RALY: variants seen among roughly 807,000 people sequenced by gnomAD.
RALY encodes the protein RNA-binding protein Raly.
A neutral mutation model predicts 30.7 loss-of-function variants in RALY; 15 were observed. The ratio of observed to expected loss-of-function variants is 0.49; its 90% CI spans 0.33 to 0.75. The LOEUF is 0.75. Among genes scored for constraint, RALY ranks in the 30% least tolerant of loss-of-function variants. The pLI is 0.02. For missense variants in RALY, 339 were observed against 414.3 expected (o/e 0.82, Z 1.58); for synonymous variants, 177 against 170.8 (o/e 1.04, Z -0.28).
chr20:34,068,513 C>T (rs1322121463), intron 2 of RALY, among the ~76,000 whole-genome samples: 2 of 152,186 alleles, frequency 1.3e-5, no homozygotes, highest in African/African-American at 4.8e-5. Context: ...ACCACTCCCT[C>T]CCTAACATTG....
intron 1 of RALY, among the ~76,000 whole-genome samples, chr20:34,007,449 A>G (rs2031208029): frequency 6.6e-6 from 1 of 150,480 alleles, no homozygotes; most frequent in Admixed American, 6.6e-5. Context: ...TGAACCTGGG[A>G]GGCAGAGGTT....
At position 34,002,480 on chromosome 20, in the gene RALY, A is replaced by T. The variant is rs568348414; in HGVS notation, c.-93+8349A>T. Among the ~76,000 whole-genome samples the T allele has an allele frequency of 2.0e-5, 3 of 152,370 alleles. No homozygotes were observed. In the South Asian group the frequency reaches 6.2e-4, roughly 32 times the overall value. On this transcript the variant is annotated intron_variant, in intron 1 of 9. Transcript: ENST00000246194. ...ACTTTCAGTCTTGAGAGGAAGACAG[A>T]TAAGTAAAGCAAATCCAGCCTGCCG...
At chr20:34,071,994 C>G in intron 2 of RALY, 72 bp from the exon 3 acceptor site, 1 of 1,515,506 alleles carries the variant, frequency 6.6e-7, no homozygotes. Context: ...TTCATTTATC[C>G]AGGATATGGG....
intron 2 of RALY, among the ~76,000 whole-genome samples, chr20:34,057,347 T>A (rs1333366144): frequency 6.6e-6 from 1 of 152,172 alleles, no homozygotes; most frequent in East Asian, 1.9e-4. Context: ...CACAAATTCT[T>A]ACCCAAATTA....
chr20:34,022,365 G>A (rs2031861738), intron 1 of RALY, among the ~76,000 whole-genome samples: 1 of 152,108 alleles, frequency 6.6e-6, no homozygotes, highest in African/African-American at 2.4e-5. Flanking sequence ...GGGATGGGTA[G>A]GCAGAAGGTT....
chr20:33,997,672 A>G (rs2030704796), intron 1 of RALY, among the ~76,000 whole-genome samples: 2 of 152,156 alleles, frequency 1.3e-5, no homozygotes, highest in Admixed American at 1.3e-4. Flanking sequence ...GTTTATGGAT[A>G]CTCACTGCTT....
intron 2 of RALY, among the ~76,000 whole-genome samples, chr20:34,040,307 G>A (rs2032652937): frequency 6.6e-6 from 1 of 152,104 alleles, no homozygotes; most frequent in Admixed American, 6.5e-5. Flanking sequence ...ATATGGATAT[G>A]GTAGCAAAGA....
At chr20:34,034,068 C>T (rs1208518490) in intron 2 of RALY, among the ~76,000 whole-genome samples, 1 of 152,208 alleles carries the variant, frequency 6.6e-6, no homozygotes, top group Non-Finnish European at 1.5e-5. Flanking sequence ...CCCATCCCAA[C>T]AGGAGTCAGC....
chr20:34,029,007 G>A (rs983655103), intron 1 of RALY, among the ~76,000 whole-genome samples: 3 of 152,106 alleles, frequency 2.0e-5, no homozygotes, highest in African/African-American at 7.2e-5. Flanking sequence ...TAGTCTGGCT[G>A]TGTGGGTCTA....
chr20:34,063,796 G>GT (rs1224271964), intron 2 of RALY, among the ~76,000 whole-genome samples: 1 of 152,104 alleles, frequency 6.6e-6, no homozygotes, highest in African/African-American at 2.4e-5. Flanking sequence ...GGCCTCTTCT[G>GT]GTGTCACTAC....
At chr20:33,995,742 C>T (rs2030588757) in intron 1 of RALY, among the ~76,000 whole-genome samples, 1 of 152,216 alleles carries the variant, frequency 6.6e-6, no homozygotes, top group African/African-American at 2.4e-5. Flanking sequence ...TTCCCCGCTT[C>T]CCTGTTAACT....
At chr20:34,025,921 T>TG (rs2032014743) in intron 1 of RALY, among the ~76,000 whole-genome samples, 2 of 144,446 alleles carry the variant, frequency 1.4e-5, no homozygotes, top group African/African-American at 5.4e-5. Flanking sequence ...TTTTTTTTTT[T>TG]GTGGGGGGTG....
intron 1 of RALY, chr20:34,017,374 A>G (rs1182788254): frequency 6.6e-6 from 1 of 152,226 alleles, no homozygotes; most frequent in Non-Finnish European, 1.5e-5. Context: ...AGCATTTGCA[A>G]CACCGATTCC....
In RALY at chr20:34,075,871, C is replaced by G. The variant is rs1420865180; in HGVS notation, c.378-3C>G. The G allele has an allele frequency of 6.2e-7, 1 of 1,611,750 alleles. No individual in the cohort carries two copies. The highest frequency in any genetic ancestry group is 1.7e-5 in the Admixed American group (1 of 59,890). On this transcript the variant is annotated splice_region_variant and splice_polypyrimidine_tract_variant and intron_variant, in intron 5 of 9. Transcript: ENST00000246194. ...GCAGCCTCTGGCCCATCTGCCCTCACAGGCTCTTCGACTACCGGGGCCGTC... is the reference window on the plus strand; with the variant it reads ...GCAGCCTCTGGCCCATCTGCCCTCAGAGGCTCTTCGACTACCGGGGCCGTC...
At chr20:34,001,208 T>A (rs2030899992) in intron 1 of RALY, among the ~76,000 whole-genome samples, 1 of 152,106 alleles carries the variant, frequency 6.6e-6, no homozygotes, top group Non-Finnish European at 1.5e-5. Flanking sequence ...TCCAAGACTA[T>A]AAAAAAATTA....
intron 1 of RALY, among the ~76,000 whole-genome samples, chr20:34,029,024 T>C (rs1341501319): frequency 1.3e-5 from 2 of 151,998 alleles, no homozygotes; most frequent in African/African-American, 4.8e-5. Context: ...TCTAATGGAT[T>C]GGAATAGGAG....
At chr20:34,036,701 A>G (rs558636105) in intron 2 of RALY, among the ~76,000 whole-genome samples, 2 of 152,188 alleles carry the variant, frequency 1.3e-5, no homozygotes, top group African/African-American at 2.4e-5. Flanking sequence ...TACTAATTCA[A>G]ATGTCTTACT....
intron 1 of RALY, among the ~76,000 whole-genome samples, chr20:34,027,722 G>A (rs1051986640): frequency 6.6e-6 from 1 of 152,180 alleles, no homozygotes; most frequent in Non-Finnish European, 1.5e-5. Flanking sequence ...CTAGTATCAG[G>A]AAATATTTTT....
rs10649600 is a variant in RALY at position 34,077,058 on chromosome 20, C to CCCG, written c.690_691insCGC (p.Ala230_Gly231insArg). On this transcript the variant is annotated inframe_insertion, in exon 8 of 10. Coordinates refer to ENST00000246194, the MANE Select transcript of RALY (RefSeq NM_016732.3). ...AAGAAGAAGGGTGATGGAGGTGGCG[C>CCCG]CGGCGGCGGCGGCGGTGGTGGTGGC... 6.3e-7 allele frequency: 1 copy of CCCG among 1,588,780 alleles called. No homozygotes were observed. Among genetic ancestry groups the CCCG allele is most frequent in the Non-Finnish European group, 8.6e-7 (1 of 1,163,696 alleles).
Sources: allele counts gnomAD v4.1 joint callset (sites outside exome capture counted in the v4.1 genomes callset), GRCh38; gene constraint gnomAD v4.1.1; transcripts MANE v1.5; gene names NCBI Gene and HGNC (gene_info 2026-07-23, HGNC 2026-07-21).